The following SPIN1 variants were observed in gnomAD, a reference collection of about 807,000 sequenced individuals.
SPIN1 encodes spindlin-1.
Under a neutral mutation model 26.0 loss-of-function variants are expected in SPIN1, and 3 were observed. The observed-to-expected ratio is 0.12, with a 90% CI of 0.05 to 0.30. The LOEUF (loss-of-function observed/expected upper bound fraction) is 0.30. Ranked by LOEUF, SPIN1 falls within the 10% of genes least tolerant of loss-of-function variation. The pLI is 1.00. For missense variants in SPIN1, 126 were observed against 333.4 expected (o/e 0.38, Z 4.84); for synonymous variants, 101 against 116.5 (o/e 0.87, Z 0.86).
intron 5 of SPIN1, among the ~76,000 whole-genome samples, chr9:88,469,602 C>T (rs565623892): frequency 7.3e-6 from 1 of 137,860 alleles, no homozygotes; most frequent in South Asian, 2.2e-4. Flanking sequence ...GCAACCTCCG[C>T]CTCCCACGCT....
chr9:88,393,548 G>A (rs1469815832), intron 1 of SPIN1, among the ~76,000 whole-genome samples: 3 of 132,206 alleles, frequency 2.3e-5, no homozygotes, highest in Non-Finnish European at 4.6e-5. Flanking sequence ...TCCACCTCCC[G>A]GGAGTCAAGC....
chr9:88,444,270 T>G (rs1171948669), intron 2 of SPIN1, among the ~76,000 whole-genome samples: 2 of 138,876 alleles, frequency 1.4e-5, no homozygotes, highest in Non-Finnish European at 3.0e-5. Flanking sequence ...AGACAGAGTC[T>G]CGCTCTGTCG....
At chr9:88,454,339 T>G (rs1244116448) in intron 3 of SPIN1, among the ~76,000 whole-genome samples, 1 of 152,208 alleles carries the variant, frequency 6.6e-6, no homozygotes, top group African/African-American at 2.4e-5. Flanking sequence ...GCTAATCACT[T>G]TTCTCTATTT....
intron 1 of SPIN1, among the ~76,000 whole-genome samples, chr9:88,391,009 C>G (rs146308430): frequency 4.6e-5 from 7 of 152,236 alleles, no homozygotes; most frequent in Admixed American, 4.6e-4. Context: ...TGCCAAACTA[C>G]CCACTGTTTT....
At chr9:88,405,555 T>TTTTTTC (rs1160573430) in intron 1 of SPIN1, among the ~76,000 whole-genome samples, 1 of 142,500 alleles carries the variant, frequency 7.0e-6, no homozygotes, top group African/African-American at 2.7e-5. Flanking sequence ...TTTTTTTTTT[T>TTTTTTC]TCCCTGAGAC....
In SPIN1 at chr9:88,471,393, G is replaced by A. The variant is rs192730612; in HGVS notation, c.589+2788G>A. Among the ~76,000 whole-genome samples the A allele has an allele frequency of 4.5e-4, 69 of 151,820 alleles. No homozygotes were observed. In the East Asian group the frequency reaches 0.011, roughly 23 times the overall value. ...AATGGTTTTGGCATCCTTGTTGCGCGGTGGCTCACACCTGTAATCCCAGTA... is the reference window on the plus strand; with the variant it reads ...AATGGTTTTGGCATCCTTGTTGCGCAGTGGCTCACACCTGTAATCCCAGTA... On this transcript the variant is annotated intron_variant, in intron 5 of 5. Coordinates refer to ENST00000375859, the MANE Select transcript of SPIN1 (RefSeq NM_006717.3).
At position 88,418,159 on chromosome 9, in the gene SPIN1, G is replaced by T. The variant is rs372878275; in HGVS notation, c.-158-8223G>T. 1.1e-4 allele frequency among the ~76,000 whole-genome samples: 17 copies of T among 152,220 alleles called. No individual in the cohort carries two copies. The East Asian group carries it at 2.9e-3, about 26-fold the overall frequency. ...TAGCTTTTAGCCCTCTCCTCTACCC[G>T]CCTCCCTTCCCAGGGTAGGGCTGAA... On this transcript the variant is annotated intron_variant, in intron 1 of 5. Transcript: ENST00000375859.
chr9:88,476,911 T>C lies in SPIN1; in HGVS notation c.*1634T>C, dbSNP rs1372479503. On this transcript the variant is annotated 3_prime_UTR_variant, in exon 6 of 6. Transcript: ENST00000375859. ...GTCTGAGTGACCTCTTTTGTGGCTG[T>C]TCTTGATGGTTTCCAGGCCTCGTTA... 1 of 152,238 alleles carries C rather than the reference T, an allele frequency of 6.6e-6. No homozygotes were observed. Among genetic ancestry groups the C allele is most frequent in the African/African-American group, 2.4e-5 (1 of 41,442 alleles). The allele number at this position is 152,238 out of a possible 1,614,324, so 9.4% of individuals were successfully genotyped here.
At chr9:88,475,043 CTCTCTT>C in intron 5 of SPIN1, 29 bp from the exon 6 acceptor site, 7 of 1,320,662 alleles carry the variant, frequency 5.3e-6, no homozygotes, top group Admixed American at 3.1e-5. Flanking sequence ...TTTTCTCTCT[CTCTCTT>C]TTTTTTTTTT....
chr9:88,443,106 C>T (rs79448514), intron 2 of SPIN1, among the ~76,000 whole-genome samples: 26,833 of 143,806 alleles, frequency 0.19, 3,213 homozygotes, highest in African/African-American at 0.36. Context: ...GGTGACAGAA[C>T]GAGACTCCAT....
Position 88,477,625 on chromosome 9 carries a change from C to G in SPIN1, c.*2348C>G, listed in dbSNP as rs1231236133. ...TAATGACGCTATGACTAATTCTGCT[C>G]CCAAGCCCTTGTATCTTGGGCTTCA... On this transcript the variant is annotated 3_prime_UTR_variant, in exon 6 of 6. Coordinates refer to ENST00000375859, the MANE Select transcript of SPIN1 (RefSeq NM_006717.3). 2 of 152,540 alleles carry G rather than the reference C, an allele frequency of 1.3e-5. No individual in the cohort carries two copies. The highest frequency in any genetic ancestry group is 2.9e-5 in the Non-Finnish European group (2 of 68,020). 9.4% of individuals were successfully genotyped at this position (152,540 alleles called of 1,614,324 possible). A position where few individuals can be genotyped will look rare whatever the true frequency, so the allele number is the denominator to read the frequency against.
chr9:88,435,169 C>T (rs770621684), intron 2 of SPIN1, among the ~76,000 whole-genome samples: 7 of 151,960 alleles, frequency 4.6e-5, no homozygotes, highest in Middle Eastern at 6.8e-3. Flanking sequence ...TGAGATCTCA[C>T]CAGATTGCCC....
At chr9:88,437,433 A>C (rs1000622940) in intron 2 of SPIN1, among the ~76,000 whole-genome samples, 1 of 151,842 alleles carries the variant, frequency 6.6e-6, no homozygotes, top group African/African-American at 2.4e-5. Context: ...AGGAGGGAGA[A>C]GCTTCAGTGA....
chr9:88,394,808 A>ATTTTT (rs397952642), intron 1 of SPIN1, among the ~76,000 whole-genome samples: 6 of 114,078 alleles, frequency 5.3e-5, no homozygotes, highest in Admixed American at 9.2e-5. Context: ...TATTTAATGT[A>ATTTTT]TTTTTTTTTT....
intron 1 of SPIN1, among the ~76,000 whole-genome samples, chr9:88,407,433 C>T (rs991935302): frequency 3.3e-5 from 5 of 151,796 alleles, no homozygotes; most frequent in African/African-American, 1.2e-4. Flanking sequence ...TGTGAGCCAC[C>T]GGCCTCATCT....
At chr9:88,400,844 C>CAAAAA (rs754813928) in intron 1 of SPIN1, among the ~76,000 whole-genome samples, 1 of 99,726 alleles carries the variant, frequency 1.0e-5, no homozygotes, top group Admixed American at 1.1e-4. Context: ...GACTCCGCCT[C>CAAAAA]AAAAAAAAAA....
At chr9:88,407,085 G>T (rs1827326517) in intron 1 of SPIN1, among the ~76,000 whole-genome samples, 1 of 144,512 alleles carries the variant, frequency 6.9e-6, no homozygotes, top group South Asian at 2.2e-4. Context: ...GTAACTTCTA[G>T]TAGTGAATTT....
chr9:88,465,923 A>G (rs1015613120), intron 4 of SPIN1, among the ~76,000 whole-genome samples: 1 of 152,238 alleles, frequency 6.6e-6, no homozygotes, highest in African/African-American at 2.4e-5. Context: ...AGATATGAGA[A>G]TCTACTTGTT....
intron 1 of SPIN1, among the ~76,000 whole-genome samples, chr9:88,404,930 CA>C (rs950744099): frequency 1.8e-4 from 22 of 124,874 alleles, no homozygotes; most frequent in Non-Finnish European, 1.9e-4. Context: ...AAAAAAAAAA[CA>C]AAAAAAAAAA....
Sources: gnomAD v4.1 joint callset for allele counts (sites outside exome capture counted in the v4.1 genomes callset) on GRCh38, gnomAD v4.1.1 for gene constraint, MANE v1.5 for transcripts, NCBI Gene and HGNC (gene_info 2026-07-23, HGNC 2026-07-21) for gene names.